ASB3: variants seen among roughly 807,000 people sequenced by gnomAD.
The protein encoded by ASB3 is ankyrin repeat and SOCS box protein 3.
ASB3 carries 41 observed loss-of-function variants against 54.5 expected under a neutral mutation model. That is an observed-to-expected ratio of 0.75 (90% confidence interval 0.59 to 0.98). The LOEUF is 0.98. ASB3 is among the 50% of genes least tolerant of loss of function. The probability of loss-of-function intolerance (pLI) is 0.00; values close to 1 mark genes in which losing one functional copy is unlikely to be tolerated. For missense variants in ASB3, 733 were observed against 620.0 expected (o/e 1.18, Z -1.94); for synonymous variants, 266 against 221.2 (o/e 1.20, Z -1.80).
intron 2 of ASB3, among the ~76,000 whole-genome samples, chr2:53,754,286 T>C (rs559885570): frequency 1.3e-5 from 2 of 152,330 alleles, no homozygotes; most frequent in Non-Finnish European, 2.9e-5. Flanking sequence ...ATCTCCCATG[T>C]AGAAGAATTC....
Position 53,750,957 on chromosome 2 carries a change from A to G in ASB3, c.197-16T>C. The G allele has an allele frequency of 6.6e-7, 1 of 1,510,694 alleles. No homozygotes were observed. The highest frequency in any genetic ancestry group is 8.9e-7 in the Non-Finnish European group (1 of 1,129,218). The allele number at this position is 1,510,694 out of a possible 1,614,324, so 93.6% of individuals were successfully genotyped here. On this transcript the variant is annotated splice_polypyrimidine_tract_variant and intron_variant, in intron 2 of 9. Transcript: ENST00000263634. Reference sequence around the variant, plus strand: ...TCAGATGAATCTGTGGAAGAATCAAAGCCCATCAACTAGAAGGTATTACTT... The same window carrying G: ...TCAGATGAATCTGTGGAAGAATCAAGGCCCATCAACTAGAAGGTATTACTT...
intron 2 of ASB3, among the ~76,000 whole-genome samples, chr2:53,754,266 GAA>G (rs2104022743): frequency 6.6e-6 from 1 of 152,268 alleles, no homozygotes; most frequent in Non-Finnish European, 1.5e-5. Flanking sequence ...TAACGGGAGA[GAA>G]GAGATAAATC....
At chr2:53,768,838 C>T (rs1279904283) in intron 1 of ASB3, among the ~76,000 whole-genome samples, 2 of 152,058 alleles carry the variant, frequency 1.3e-5, no homozygotes, top group Non-Finnish European at 2.9e-5. Flanking sequence ...GTACTGGCTA[C>T]AAAACAACTA....
chr2:53,700,555 AAAG>A (rs772188726), intron 7 of ASB3, 27 bp from the exon 8 acceptor site: 21 of 1,574,896 alleles, frequency 1.3e-5, no homozygotes, highest in Middle Eastern at 1.7e-4. Flanking sequence ...AAAAACAAAA[AAAG>A]AAGAAGTTAG....
At chr2:53,747,962 T>C (rs1174850257) in intron 3 of ASB3, among the ~76,000 whole-genome samples, 2 of 152,230 alleles carry the variant, frequency 1.3e-5, no homozygotes, top group East Asian at 1.9e-4. Flanking sequence ...ATGTTTTTAA[T>C]AGTTCACTGA....
chr2:53,732,358 G>T (rs1218121557), intron 3 of ASB3, among the ~76,000 whole-genome samples: 1 of 152,058 alleles, frequency 6.6e-6, no homozygotes, highest in African/African-American at 2.4e-5. Flanking sequence ...GAAAATAATA[G>T]TAATAATTTT....
chr2:53,755,399 G>A (rs1253679499), intron 2 of ASB3, among the ~76,000 whole-genome samples: 1 of 152,118 alleles, frequency 6.6e-6, no homozygotes, highest in Non-Finnish European at 1.5e-5. Context: ...CGTTCTTTTT[G>A]TTTTCTGCAA....
At chr2:53,684,053 A>T (rs1307053640) in intron 9 of ASB3, among the ~76,000 whole-genome samples, 1 of 151,584 alleles carries the variant, frequency 6.6e-6, no homozygotes, top group Non-Finnish European at 1.5e-5. Flanking sequence ...GGTTATTTGG[A>T]GTTCTTCTAC....
intron 5 of ASB3, among the ~76,000 whole-genome samples, chr2:53,727,630 G>A (rs1671076859): frequency 6.6e-6 from 1 of 152,088 alleles, no homozygotes; most frequent in South Asian, 2.1e-4. Context: ...AGCAAGGCCT[G>A]GCCTCAATCA....
intron 2 of ASB3, among the ~76,000 whole-genome samples, chr2:53,754,961 C>T (rs534968556): frequency 2.6e-5 from 4 of 152,296 alleles, no homozygotes; most frequent in African/African-American, 9.6e-5. Context: ...GACCATCAAC[C>T]ACCACCTTCT....
intron 7 of ASB3, among the ~76,000 whole-genome samples, chr2:53,705,608 A>G (rs191963732): frequency 4.6e-5 from 7 of 152,216 alleles, no homozygotes; most frequent in African/African-American, 1.7e-4. Context: ...CTGTAAATTT[A>G]TATCTTTATC....
At chr2:53,731,563 C>G (rs1671317096) in intron 3 of ASB3, among the ~76,000 whole-genome samples, 1 of 152,168 alleles carries the variant, frequency 6.6e-6, no homozygotes, top group Non-Finnish European at 1.5e-5. Context: ...GTTCTTCAAG[C>G]TATTTTTGTA....
At chr2:53,685,873 T>G (rs528526734) in intron 9 of ASB3, among the ~76,000 whole-genome samples, 1 of 152,288 alleles carries the variant, frequency 6.6e-6, no homozygotes, top group South Asian at 2.1e-4. Context: ...TAAGAAATGG[T>G]GGGTCTTAAA....
chr2:53,755,405 T>C (rs533829950), intron 2 of ASB3, among the ~76,000 whole-genome samples: 2 of 152,234 alleles, frequency 1.3e-5, no homozygotes, highest in Non-Finnish European at 2.9e-5. Context: ...TTTTGTTTTC[T>C]GCAAACTCTA....
chr2:53,763,985 G>A (rs1420356349), intron 2 of ASB3, among the ~76,000 whole-genome samples: 1 of 151,868 alleles, frequency 6.6e-6, no homozygotes, highest in Non-Finnish European at 1.5e-5. Context: ...TATGATTTAG[G>A]AAGTTTAGCC....
At chr2:53,742,645 G>T (rs1671999062) in intron 3 of ASB3, among the ~76,000 whole-genome samples, 1 of 150,864 alleles carries the variant, frequency 6.6e-6, no homozygotes, top group Non-Finnish European at 1.5e-5. Flanking sequence ...AAAATACCTG[G>T]GAAAAGCAAA....
intron 3 of ASB3, among the ~76,000 whole-genome samples, chr2:53,737,455 G>A (rs1271421744): frequency 6.6e-6 from 1 of 152,156 alleles, no homozygotes; most frequent in Non-Finnish European, 1.5e-5. Flanking sequence ...TGTGGAAGTT[G>A]CCCAAGGGTC....
intron 3 of ASB3, among the ~76,000 whole-genome samples, chr2:53,748,639 G>A (rs941868601): frequency 2.0e-5 from 3 of 151,914 alleles, no homozygotes; most frequent in African/African-American, 7.3e-5. Flanking sequence ...AACCTTATCA[G>A]GAAGAAACAT....
intron 5 of ASB3, among the ~76,000 whole-genome samples, chr2:53,721,123 TATAAATAA>T (rs35978677): frequency 0.01 from 1,449 of 141,446 alleles, 16 homozygotes; most frequent in African/African-American, 0.031. Flanking sequence ...TCTCCAGAAA[TATAAATAA>T]ATAAATAAAT....
Sources: gnomAD v4.1 joint callset for allele counts (sites outside exome capture counted in the v4.1 genomes callset) on GRCh38, gnomAD v4.1.1 for gene constraint, MANE v1.5 for transcripts, NCBI Gene and HGNC (gene_info 2026-07-23, HGNC 2026-07-21) for gene names.